Variants in PLEKHA3 observed in about 807,000 individuals in gnomAD.
PLEKHA3 encodes pleckstrin homology domain-containing family A member 3.
A neutral mutation model predicts 39.2 loss-of-function variants in PLEKHA3; 19 were observed. The observed-to-expected ratio is 0.48, with a 90% confidence interval of 0.34 to 0.71. The LOEUF (loss-of-function observed/expected upper bound fraction) is 0.71, where lower values mean the gene tolerates loss of function less well. Ranked by LOEUF, PLEKHA3 falls within the 30% of genes least tolerant of loss-of-function variation. PLEKHA3 has a pLI of 0.01. For missense variants in PLEKHA3, 253 were observed against 359.5 expected, an observed-to-expected ratio of 0.70 and a Z score of 2.40; for synonymous variants, 97 against 118.6, an observed-to-expected ratio of 0.82 and a Z score of 1.18.
rs963770461 is a variant in PLEKHA3 at position 178,491,369 on chromosome 2, A to G, written c.313+555A>G. ...AGTAAGATGTTGAAAAGGAATTTCA[A>G]TGTGAGAAAATGCCCAGGGTTAAAT... On this transcript the variant is annotated intron_variant, in intron 3 of 7. Transcript: ENST00000234453. Among the ~76,000 whole-genome samples, 6 of 152,204 alleles carry G rather than the reference A, an allele frequency of 3.9e-5. No individual in the cohort carries two copies. The East Asian group carries it at 5.8e-4, about 15-fold the overall frequency.
At chr2:178,481,842 TGG>T (rs5836653) in intron 1 of PLEKHA3, 1,244 of 118,866 alleles carry the variant, frequency 0.01, 24 homozygotes, top group African/African-American at 0.03. Context: ...ACAGATTTTT[TGG>T]GGGGGGGGGG....
At chr2:178,497,424 G>T (rs1194571985) in intron 5 of PLEKHA3, among the ~76,000 whole-genome samples, 2 of 151,932 alleles carry the variant, frequency 1.3e-5, no homozygotes, top group Non-Finnish European at 2.9e-5. Context: ...TAGAGACGGG[G>T]TTTCACCATG....
intron 2 of PLEKHA3, among the ~76,000 whole-genome samples, chr2:178,489,280 C>T (rs1685305612): frequency 6.6e-6 from 1 of 152,098 alleles, no homozygotes; most frequent in Admixed American, 6.5e-5. Flanking sequence ...AATAAGATAG[C>T]AACATTTCTG....
chr2:178,502,650 T>A (rs958832884), intron 7 of PLEKHA3, among the ~76,000 whole-genome samples: 1 of 151,620 alleles, frequency 6.6e-6, no homozygotes, highest in Non-Finnish European at 1.5e-5. Context: ...TTTAAAGCCA[T>A]CCATTTTTCT....
rs1301269336 is a variant in PLEKHA3 at position 178,510,657 on chromosome 2, A to T, written c.*6770A>T. 2 of 153,776 alleles carry T rather than the reference A, an allele frequency of 1.3e-5. No homozygotes were observed. Among genetic ancestry groups the T allele is most frequent in the Non-Finnish European group, 2.9e-5 (2 of 68,046 alleles). The allele number at this position is 153,776 out of a possible 1,614,324, so 9.5% of individuals were successfully genotyped here. On this transcript the variant is annotated 3_prime_UTR_variant, in exon 8 of 8. Transcript: ENST00000234453. The stretch of plus-strand genomic sequence containing the variant: ...AGTGCTCTACATAGTGTTGGAAGCG[A>T]GAGACTGAGCCCTAACATGCCAGTG...
At chr2:178,492,663 A>G (rs1241130625) in intron 3 of PLEKHA3, among the ~76,000 whole-genome samples, 3 of 151,992 alleles carry the variant, frequency 2.0e-5, no homozygotes, top group Non-Finnish European at 2.9e-5. Flanking sequence ...AGAAGGACAT[A>G]TAGTCTATGA....
chr2:178,493,561 T>G (rs1171909540), intron 3 of PLEKHA3, among the ~76,000 whole-genome samples: 1 of 152,184 alleles, frequency 6.6e-6, no homozygotes, highest in Non-Finnish European at 1.5e-5. Flanking sequence ...ACCAAGCACT[T>G]TTTAAATGGA....
intron 5 of PLEKHA3, 128 bp from the exon 6 acceptor site, chr2:178,499,083 T>TA: frequency 1.2e-6 from 1 of 819,412 alleles, no homozygotes; most frequent in East Asian, 2.8e-5. Context: ...AGATTAAATT[T>TA]TTTTTTGCCA....
Position 178,504,872 on chromosome 2 carries a change from T to C in PLEKHA3, c.*985T>C, listed in dbSNP as rs1197299674. Reference sequence around the variant, plus strand: ...TGGCATTATTTAATTAAAGAACAAATAGCATTTTTTGGTAGTGCCTGTCCA... The same window carrying C: ...TGGCATTATTTAATTAAAGAACAAACAGCATTTTTTGGTAGTGCCTGTCCA... On this transcript the variant is annotated 3_prime_UTR_variant, in exon 8 of 8. Coordinates refer to ENST00000234453, the MANE Select transcript of PLEKHA3 (RefSeq NM_019091.4). 6.6e-6 allele frequency: 1 copy of C among 152,434 alleles called. No individual in the cohort carries two copies. Among genetic ancestry groups the C allele is most frequent in the African/African-American group, 2.4e-5 (1 of 41,454 alleles). The allele number at this position is 152,434 out of a possible 1,614,324, so 9.4% of individuals were successfully genotyped here.
rs1285422929 is a variant in PLEKHA3, at chr2:178,504,567, C to T, written c.*680C>T. ...GCCTCAAAAGATGATTGCATTCTAA[C>T]TTTTGTGACCTACCAAATTTAAGAT... On this transcript the variant is annotated 3_prime_UTR_variant, in exon 8 of 8. Coordinates refer to ENST00000234453, the MANE Select transcript of PLEKHA3 (RefSeq NM_019091.4). The T allele has an allele frequency of 6.6e-6, 1 of 152,296 alleles. No homozygotes were observed. Among genetic ancestry groups the T allele is most frequent in the Non-Finnish European group, 1.5e-5 (1 of 67,852 alleles). 9.4% of individuals were successfully genotyped at this position (152,296 alleles called of 1,614,324 possible). A position where few individuals can be genotyped will look rare whatever the true frequency, so the allele number is the denominator to read the frequency against.
Position 178,491,155 on chromosome 2 carries a change from T to C in PLEKHA3, c.313+341T>C, listed in dbSNP as rs548920687. Among the ~76,000 whole-genome samples, 68 of 151,934 alleles carry C rather than the reference T, an allele frequency of 4.5e-4. No individual in the cohort carries two copies. The South Asian group carries it at 0.014, about 31-fold the overall frequency. On this transcript the variant is annotated intron_variant, in intron 3 of 7. Transcript: ENST00000234453. ...CTTCCCGAGTAGCTGGGATTACAGG[T>C]GCCTGCTACCATGCCTGGCTAATTT... is the stretch of plus-strand genomic sequence containing the variant.
At position 178,507,424 on chromosome 2, in the gene PLEKHA3, T is replaced by G. The variant is rs1350041181; in HGVS notation, c.*3537T>G. ...GGTTGGTATTGCCTGATTTTCAAAT[T>G]TGCTTAGTTTTTAATGTACCTGTCA... is the stretch of plus-strand genomic sequence containing the variant. On this transcript the variant is annotated 3_prime_UTR_variant, in exon 8 of 8. Transcript: ENST00000234453. The G allele has an allele frequency of 6.6e-6, 1 of 152,158 alleles. No individual in the cohort carries two copies. Among genetic ancestry groups the G allele is most frequent in the Non-Finnish European group, 1.5e-5 (1 of 68,026 alleles). 9.4% of individuals were successfully genotyped at this position (152,158 alleles called of 1,614,324 possible).
intron 6 of PLEKHA3, among the ~76,000 whole-genome samples, 162 bp from the exon 7 acceptor site, chr2:178,500,899 G>T (rs556370761): frequency 5.9e-5 from 9 of 152,062 alleles, no homozygotes; most frequent in Admixed American, 1.3e-4. Flanking sequence ...TTCTAAATGG[G>T]TTCACTTGTT....
Position 178,505,879 on chromosome 2 carries a change from T to C in PLEKHA3, c.*1992T>C. 1 of 152,100 alleles carries C rather than the reference T, an allele frequency of 6.6e-6. No homozygotes were observed. Among genetic ancestry groups the C allele is most frequent in the East Asian group, 1.9e-4 (1 of 5,196 alleles). The allele number at this position is 152,100 out of a possible 1,614,324, so 9.4% of individuals were successfully genotyped here. ...TTGCGGTATCCCTAAGTATGTCTTT[T>C]GTTATGACTTGGAGCCACTTTTTGT... On this transcript the variant is annotated 3_prime_UTR_variant, in exon 8 of 8. Coordinates refer to ENST00000234453, the MANE Select transcript of PLEKHA3 (RefSeq NM_019091.4).
chr2:178,481,431 A>G (rs75754069), intron 1 of PLEKHA3, among the ~76,000 whole-genome samples: 1,746 of 152,288 alleles, frequency 0.011, 35 homozygotes, highest in African/African-American at 0.04. Flanking sequence ...CCCAGATAAT[A>G]TTCTCTTAGG....
chr2:178,484,413 G>T (rs1202191759), intron 1 of PLEKHA3, among the ~76,000 whole-genome samples: 1 of 152,150 alleles, frequency 6.6e-6, no homozygotes, highest in African/African-American at 2.4e-5. Context: ...CCTAAACAGG[G>T]TTACAAAGTA....
rs1339837343 is a variant in PLEKHA3 at position 178,509,260 on chromosome 2, T to C, written c.*5373T>C. The C allele has an allele frequency of 6.6e-6, 1 of 152,190 alleles. No homozygotes were observed. The highest frequency in any genetic ancestry group is 1.5e-5 in the Non-Finnish European group (1 of 68,044). The allele number at this position is 152,190 out of a possible 1,614,324, so 9.4% of individuals were successfully genotyped here. A position where few individuals can be genotyped will look rare whatever the true frequency, so the allele number is the denominator to read the frequency against. Reference sequence around the variant, plus strand: ...CTGAAAGTCTAGATTTAAATTCTAATAGTGTATAAAAAATAAAAATTCTTT... The same window carrying C: ...CTGAAAGTCTAGATTTAAATTCTAACAGTGTATAAAAAATAAAAATTCTTT... On this transcript the variant is annotated 3_prime_UTR_variant, in exon 8 of 8. Transcript: ENST00000234453.
rs962458897 is a variant in PLEKHA3 at position 178,506,006 on chromosome 2, A to C, written c.*2119A>C. ...AGGTTTTGATCAGTGAATTAGTAGC[A>C]TGAAGAAACCTATAAAGCTTAAGGG... On this transcript the variant is annotated 3_prime_UTR_variant, in exon 8 of 8. Transcript: ENST00000234453. 6.6e-6 allele frequency: 1 copy of C among 152,138 alleles called. No homozygotes were observed. The highest frequency in any genetic ancestry group is 1.5e-5 in the Non-Finnish European group (1 of 68,006). The allele number at this position is 152,138 out of a possible 1,614,324, so 9.4% of individuals were successfully genotyped here.
At chr2:178,486,204 A>G (rs774845263) in intron 2 of PLEKHA3, among the ~76,000 whole-genome samples, 3 of 152,200 alleles carry the variant, frequency 2.0e-5, no homozygotes, top group Non-Finnish European at 4.4e-5. Context: ...TTTGGAGGTA[A>G]GTTCCTCTGG....
Sources: allele counts gnomAD v4.1 joint callset (sites outside exome capture counted in the v4.1 genomes callset), GRCh38; gene constraint gnomAD v4.1.1; transcripts MANE v1.5; gene names NCBI Gene and HGNC (gene_info 2026-07-23, HGNC 2026-07-21).